Variants in ARL6IP1 observed in about 807,000 individuals in gnomAD.
ARL6IP1 encodes the protein ARL6 interacting reticulophagy regulator 1.
In ARL6IP1, 16 loss-of-function variants were observed where a neutral mutation model predicts 30.1. The observed-to-expected ratio is 0.53, with a 90% CI of 0.36 to 0.81. The LOEUF is 0.81. Among genes scored for constraint, ARL6IP1 ranks in the 30% least tolerant of loss-of-function variants. The pLI is 0.01. For synonymous variants in ARL6IP1, 72 were observed against 84.8 expected (o/e 0.85, Z 0.83); for missense variants, 173 against 242.7 (o/e 0.71, Z 1.91).
At chr16:18,793,967 C>T (rs1376207240) in intron 5 of ARL6IP1, among the ~76,000 whole-genome samples, 1 of 146,312 alleles carries the variant, frequency 6.8e-6, no homozygotes, top group Non-Finnish European at 1.5e-5. Flanking sequence ...GAGGTTATTA[C>T]GTGTGTATGG....
rs1296619627 is a variant in ARL6IP1, at chr16:18,792,005, CAGTTTA to C, written c.*1241_*1246del. The C allele has an allele frequency of 6.6e-6, 1 of 152,584 alleles. No homozygotes were observed. Among genetic ancestry groups the C allele is most frequent in the Non-Finnish European group, 1.5e-5 (1 of 68,026 alleles). 9.5% of individuals were successfully genotyped at this position (152,584 alleles called of 1,614,324 possible). The stretch of plus-strand genomic sequence containing the variant: ...CAAAACTATATTACAGCTAGTTAAT[CAGTTTA>C]AGAATTGTTCCCGTCAGTCACATTT... On this transcript the variant is annotated 3_prime_UTR_variant, in exon 6 of 6. Transcript: ENST00000304414.
rs754374703 is a variant in ARL6IP1 at position 18,801,420 on chromosome 16, C to G, written c.36+11G>C. 1.2e-6 allele frequency: 2 copies of G among 1,612,648 alleles called. No homozygotes were observed. Among genetic ancestry groups the G allele is most frequent in the Admixed American group, 3.3e-5 (2 of 59,922 alleles). ...CGCTCGGCTCCCGGGGGACAGGCAG[C>G]CAGGACTCACCAGCAGGTTGGTGCT... On this transcript the variant is annotated intron_variant, in intron 1 of 5. Transcript: ENST00000304414.
chr16:18,794,759 TAAAG>T, intron 4 of ARL6IP1, 76 bp from the exon 5 acceptor site: 1 of 1,047,612 alleles, frequency 9.5e-7, no homozygotes, highest in Non-Finnish European at 1.4e-6. Context: ...ATTTGTCAAT[TAAAG>T]AAGAATGTGT....
In ARL6IP1 at chr16:18,793,004, G is replaced by T; in HGVS notation, c.*248C>A. 3.1e-6 allele frequency: 1 copy of T among 325,746 alleles called. No homozygotes were observed. Among genetic ancestry groups the T allele is most frequent in the Non-Finnish European group, 5.6e-6 (1 of 178,268 alleles). The allele number at this position is 325,746 out of a possible 1,614,324, so 20.2% of individuals were successfully genotyped here. A position where few individuals can be genotyped will look rare whatever the true frequency, so the allele number is the denominator to read the frequency against. ...AAAAGCAAGAATTCAATTAACGCTG[G>T]GTAAGAAAAGTCAAAACACTAATGA... On this transcript the variant is annotated 3_prime_UTR_variant, in exon 6 of 6. Coordinates refer to ENST00000304414, the MANE Select transcript of ARL6IP1 (RefSeq NM_015161.3).
Position 18,794,619 on chromosome 16 carries a change from A to G in ARL6IP1, c.473T>C (p.Leu158Pro). ...VAWVGQQVHNLLLTYLIVTSL... is the reference protein window; with the variant it reads ...VAWVGQQVHNPLLTYLIVTSL... ...CTTACCTATCAGGTAGGTGAGAAGCAGGTTGTGGACTTGTTGTCCCACCCA... is the reference window on the plus strand; with the variant it reads ...CTTACCTATCAGGTAGGTGAGAAGCGGGTTGTGGACTTGTTGTCCCACCCA... Residue 158 changes from leucine (L) to proline (P), a missense_variant, in exon 5 of 6, where the codon CTG (leucine) becomes CCG (proline). Transcript: ENST00000304414. 1 of 1,613,308 alleles carries G rather than the reference A, an allele frequency of 6.2e-7. No homozygotes were observed. Among genetic ancestry groups the G allele is most frequent in the Non-Finnish European group, 8.5e-7 (1 of 1,179,454 alleles).
chr16:18,800,075 C>G (rs914293313), intron 1 of ARL6IP1, among the ~76,000 whole-genome samples: 1 of 152,138 alleles, frequency 6.6e-6, no homozygotes. Flanking sequence ...CAGAACAAGG[C>G]ACTTAATCTT....
In ARL6IP1 at chr16:18,793,047, C is replaced by T; in HGVS notation, c.*205G>A. The T allele has an allele frequency of 2.4e-6, 1 of 409,410 alleles. No individual in the cohort carries two copies. Among genetic ancestry groups the T allele is most frequent in the Non-Finnish European group, 4.4e-6 (1 of 228,826 alleles). 25.4% of individuals were successfully genotyped at this position (409,410 alleles called of 1,614,324 possible). On this transcript the variant is annotated 3_prime_UTR_variant, in exon 6 of 6. Transcript: ENST00000304414. ...ACTAATGAGTTGTCCATGAAGCCAA[C>T]TGCTAAGAACGCGCTCAACTATACG...
chr16:18,795,791 G>T (rs2030213106), intron 3 of ARL6IP1, among the ~76,000 whole-genome samples: 1 of 151,000 alleles, frequency 6.6e-6, no homozygotes, highest in East Asian at 1.9e-4. Context: ...GTGTGTGAGA[G>T]AGAGAGTGTG....
chr16:18,793,854 A>G (rs2030147923), intron 5 of ARL6IP1, among the ~76,000 whole-genome samples: 2 of 152,216 alleles, frequency 1.3e-5, no homozygotes, highest in South Asian at 4.1e-4. Context: ...AGCTGGGATT[A>G]CAGGTGCCTG....
intron 1 of ARL6IP1, chr16:18,801,228 C>T: frequency 7.0e-7 from 1 of 1,419,844 alleles, no homozygotes; most frequent in Non-Finnish European, 9.2e-7. Context: ...GCCCTCCTCG[C>T]CCCGTCGCGC....
At position 18,791,930 on chromosome 16, in the gene ARL6IP1, T is replaced by G. The variant is rs2030081310; in HGVS notation, c.*1322A>C. ...TTAAAGAGGAGAAAACAACACTTAT[T>G]TAATAGGGACAGATATACCACAAGG... is the stretch of plus-strand genomic sequence containing the variant. On this transcript the variant is annotated 3_prime_UTR_variant, in exon 6 of 6. Transcript: ENST00000304414. 6.6e-6 allele frequency: 1 copy of G among 152,640 alleles called. No individual in the cohort carries two copies. The highest frequency in any genetic ancestry group is 1.5e-5 in the Non-Finnish European group (1 of 68,040). 9.5% of individuals were successfully genotyped at this position (152,640 alleles called of 1,614,324 possible).
At position 18,795,585 on chromosome 16, in the gene ARL6IP1, G is replaced by C; in HGVS notation, c.291-4C>G. 6.2e-7 allele frequency: 1 copy of C among 1,609,388 alleles called. No individual in the cohort carries two copies. The highest frequency in any genetic ancestry group is 8.5e-7 in the Non-Finnish European group (1 of 1,177,994). ...TCTTTGCTGTTGTTCAGTGGTCCTA[G>C]AAAAGAAATTTGCCTTTTGCTATAA... On this transcript the variant is annotated splice_polypyrimidine_tract_variant and splice_region_variant and intron_variant, in intron 3 of 5. Transcript: ENST00000304414.
At chr16:18,801,098 C>G in intron 1 of ARL6IP1, 1 of 1,041,550 alleles carries the variant, frequency 9.6e-7, no homozygotes, top group Non-Finnish European at 1.2e-6. Flanking sequence ...GGGCCTGAGC[C>G]GCGAAAGCGC....
intron 1 of ARL6IP1, among the ~76,000 whole-genome samples, chr16:18,799,946 C>T (rs1367067613): frequency 1.3e-5 from 2 of 152,160 alleles, no homozygotes; most frequent in Non-Finnish European, 2.9e-5. Flanking sequence ...GTGGATCACG[C>T]CTGTAAACCC....
chr16:18,801,378 C>T (rs2030406105), intron 1 of ARL6IP1, 53 bp downstream of exon 1: 2 of 1,605,120 alleles, frequency 1.2e-6, no homozygotes, highest in Non-Finnish European at 1.7e-6. Context: ...TTTGAGCCCA[C>T]GGACGTCTGG....
chr16:18,797,077 A>C (rs2035972129), intron 3 of ARL6IP1, among the ~76,000 whole-genome samples: 1 of 152,164 alleles, frequency 6.6e-6, no homozygotes, highest in Admixed American at 6.6e-5. Context: ...GGAGTTCATA[A>C]GCAACCTCAT....
chr16:18,797,029 A>G (rs2030252479), intron 3 of ARL6IP1, among the ~76,000 whole-genome samples: 1 of 152,164 alleles, frequency 6.6e-6, no homozygotes, highest in Non-Finnish European at 1.5e-5. Context: ...AAGTTAAAAT[A>G]CTTTTAATAT....
intron 5 of ARL6IP1, among the ~76,000 whole-genome samples, chr16:18,793,838 T>C (rs537105553): frequency 2.0e-5 from 3 of 152,268 alleles, no homozygotes; most frequent in East Asian, 1.9e-4. Context: ...CCCTACCAAG[T>C]AGAGTAGCTG....
chr16:18,793,554 C>T (rs1239299512), intron 5 of ARL6IP1, among the ~76,000 whole-genome samples, 184 bp from the exon 6 acceptor site: 3 of 147,210 alleles, frequency 2.0e-5, no homozygotes, highest in African/African-American at 7.6e-5. Flanking sequence ...GCCTCAGCTA[C>T]CCAAGTAGCT....
Sources: gnomAD v4.1 joint callset for allele counts (sites outside exome capture counted in the v4.1 genomes callset) on GRCh38, gnomAD v4.1.1 for gene constraint, MANE v1.5 for transcripts, NCBI Gene and HGNC (gene_info 2026-07-23, HGNC 2026-07-21) for gene names.